SRSF12: variants seen among roughly 807,000 people sequenced by gnomAD.
The protein encoded by SRSF12 is serine/arginine-rich splicing factor 12.
In SRSF12, 21 loss-of-function variants were observed where a neutral mutation model predicts 34.1. The ratio of observed to expected loss-of-function variants is 0.62; its 90% confidence interval spans 0.44 to 0.89. The LOEUF (loss-of-function observed/expected upper bound fraction) is 0.89. SRSF12 is among the 40% of genes least tolerant of loss of function. The pLI is 0.00. For missense variants in SRSF12, 278 were observed against 327.8 expected, an observed-to-expected ratio of 0.85 and a Z score of 1.17; for synonymous variants, 111 against 110.8, an observed-to-expected ratio of 1.00 and a Z score of -0.01.
rs945568239 is a variant in SRSF12, at chr6:89,105,420, C to T, written c.274+7G>A. ...ATAAATAAAATCTAGCATTCAGTCA[C>T]ACTTACTTTTGCGATCACCTTGTGC... On this transcript the variant is annotated splice_region_variant and intron_variant, in intron 3 of 4. Coordinates refer to ENST00000452027, the MANE Select transcript of SRSF12 (RefSeq NM_080743.5). The T allele has an allele frequency of 1.3e-6, 2 of 1,594,944 alleles. No individual in the cohort carries two copies. The highest frequency in any genetic ancestry group is 3.7e-5 in the Admixed American group (2 of 54,762).
rs1237269482 is a variant in SRSF12, at chr6:89,107,404, G to A, written c.66-146C>T. 14 of 632,074 alleles carry A rather than the reference G, an allele frequency of 2.2e-5. No individual in the cohort carries two copies. The Admixed American group carries it at 4.0e-4, about 18-fold the overall frequency. 39.2% of individuals were successfully genotyped at this position (632,074 alleles called of 1,614,324 possible). A position where few individuals can be genotyped will look rare whatever the true frequency, so the allele number is the denominator to read the frequency against. On this transcript the variant is annotated intron_variant, in intron 1 of 4. Transcript: ENST00000452027. ...ATTGTTTTTTGTAAGAATCATGCAA[G>A]GTTTTGAAAGAAAGGGAAAAAAGAA...
intron 1 of SRSF12, among the ~76,000 whole-genome samples, chr6:89,114,751 A>G (rs144508475): frequency 3.9e-4 from 59 of 152,326 alleles, no homozygotes; most frequent in Middle Eastern, 3.4e-3. Context: ...ACGTTTAAAC[A>G]TTTTTAAAAT....
intron 1 of SRSF12, among the ~76,000 whole-genome samples, chr6:89,113,881 G>A (rs921547650): frequency 1.3e-5 from 2 of 152,040 alleles, no homozygotes; most frequent in Non-Finnish European, 2.9e-5. Flanking sequence ...GAGCTTAAGT[G>A]ATCTACCCAC....
chr6:89,114,303 C>T (rs1357330811), intron 1 of SRSF12, among the ~76,000 whole-genome samples: 1 of 152,150 alleles, frequency 6.6e-6, no homozygotes, highest in African/African-American at 2.4e-5. Flanking sequence ...TGGCACACAT[C>T]TGTAATCCCA....
chr6:89,117,769 G>T, intron 1 of SRSF12, 54 bp downstream of exon 1: 1 of 1,498,902 alleles, frequency 6.7e-7, no homozygotes, highest in Non-Finnish European at 8.9e-7. Flanking sequence ...TCCGCGGCGC[G>T]GCTGTTACCC....
At chr6:89,115,599 C>G (rs1769252526) in intron 1 of SRSF12, among the ~76,000 whole-genome samples, 1 of 147,446 alleles carries the variant, frequency 6.8e-6, no homozygotes, top group South Asian at 2.2e-4. Context: ...TTACAGCTTT[C>G]AAATCTACAA....
At chr6:89,109,185 C>G (rs1252042754) in intron 1 of SRSF12, among the ~76,000 whole-genome samples, 7 of 152,146 alleles carry the variant, frequency 4.6e-5, no homozygotes, top group Non-Finnish European at 1.0e-4. Flanking sequence ...CAGACAGAGG[C>G]ACCCCAACCC....
At chr6:89,114,382 C>A (rs370402018) in intron 1 of SRSF12, among the ~76,000 whole-genome samples, 1 of 152,238 alleles carries the variant, frequency 6.6e-6, no homozygotes, top group African/African-American at 2.4e-5. Flanking sequence ...GAGCCGAGAT[C>A]GTGCCACTGC....
chr6:89,102,772 G>GA (rs1034967743), intron 4 of SRSF12, among the ~76,000 whole-genome samples: 14 of 152,178 alleles, frequency 9.2e-5, no homozygotes, highest in Admixed American at 7.9e-4. Flanking sequence ...TTTGTTGTGA[G>GA]ACAGAGTCTT....
At chr6:89,105,064 ATATC>A in intron 4 of SRSF12, 51 bp downstream of exon 4, 1 of 1,505,412 alleles carries the variant, frequency 6.6e-7, no homozygotes, top group Non-Finnish European at 9.0e-7. Context: ...AAAAAAATAT[ATATC>A]TATTTCCCAG....
rs914797365 is a variant in SRSF12 at position 89,096,447 on chromosome 6, G to C, written c.*2131C>G. On this transcript the variant is annotated 3_prime_UTR_variant, in exon 5 of 5. Coordinates refer to ENST00000452027, the MANE Select transcript of SRSF12 (RefSeq NM_080743.5). ...CTTAAGACATATAGAACAGTGCCAA[G>C]CATGTACTAAATGCTCAAAAGAGTT... 19 of 152,188 alleles carry C rather than the reference G, an allele frequency of 1.2e-4. No homozygotes were observed. The highest frequency in any genetic ancestry group is 4.6e-4 in the African/African-American group (19 of 41,444). 9.4% of individuals were successfully genotyped at this position (152,188 alleles called of 1,614,324 possible). A position where few individuals can be genotyped will look rare whatever the true frequency, so the allele number is the denominator to read the frequency against.
intron 4 of SRSF12, among the ~76,000 whole-genome samples, chr6:89,099,426 G>A (rs28375201): frequency 0.75 from 104,527 of 140,006 alleles, 38,912 homozygotes; most frequent in East Asian, 0.79. Flanking sequence ...ATATATATAT[G>A]TGTGTATATA....
At chr6:89,101,698 A>C (rs200191404) in intron 4 of SRSF12, among the ~76,000 whole-genome samples, 1 of 18,052 alleles carries the variant, frequency 5.5e-5, no homozygotes, top group Non-Finnish European at 1.8e-4. Context: ...ACTCTGTCTC[A>C]AAAAAAAATA....
chr6:89,116,733 C>CCAT (rs1335510409), intron 1 of SRSF12, among the ~76,000 whole-genome samples: 1 of 150,978 alleles, frequency 6.6e-6, no homozygotes, highest in Non-Finnish European at 1.5e-5. Flanking sequence ...CAAGATCGGG[C>CCAT]CATTGTACTC....
intron 4 of SRSF12, among the ~76,000 whole-genome samples, chr6:89,104,865 C>G (rs1305312897): frequency 6.6e-6 from 1 of 151,964 alleles, no homozygotes; most frequent in African/African-American, 2.4e-5. Flanking sequence ...CCAGCCTGGG[C>G]AACATAGCGA....
chr6:89,100,941 C>A (rs1276416963), intron 4 of SRSF12, among the ~76,000 whole-genome samples: 2 of 151,916 alleles, frequency 1.3e-5, no homozygotes, highest in Non-Finnish European at 2.9e-5. Flanking sequence ...CCCATCTCTA[C>A]TAAAAATACA....
intron 2 of SRSF12, chr6:89,106,848 T>C: frequency 2.6e-6 from 1 of 391,610 alleles, no homozygotes; most frequent in Non-Finnish European, 5.0e-6. Context: ...GTCTTTTGCT[T>C]GATAAAGACT....
intron 2 of SRSF12, 41 bp downstream of exon 2, chr6:89,107,113 T>C: frequency 6.6e-7 from 1 of 1,519,200 alleles, no homozygotes; most frequent in Non-Finnish European, 9.1e-7. Context: ...TAAGCACGCA[T>C]ATACAGTATA....
chr6:89,114,639 T>C (rs1769208019), intron 1 of SRSF12, among the ~76,000 whole-genome samples: 1 of 151,072 alleles, frequency 6.6e-6, no homozygotes, highest in Non-Finnish European at 1.5e-5. Context: ...GAAAAGGAAA[T>C]CAGTCAATCT....
Sources: gnomAD v4.1 joint callset for allele counts (sites outside exome capture counted in the v4.1 genomes callset) on GRCh38, gnomAD v4.1.1 for gene constraint, MANE v1.5 for transcripts, NCBI Gene and HGNC (gene_info 2026-07-23, HGNC 2026-07-21) for gene names.